GSE1: variants seen among roughly 807,000 people sequenced by gnomAD.
The protein encoded by GSE1 is genetic suppressor element 1.
GSE1 carries 32 observed loss-of-function variants against 112.6 expected under a neutral mutation model. The ratio of observed to expected loss-of-function variants is 0.28; its 90% confidence interval spans 0.21 to 0.38. The LOEUF (loss-of-function observed/expected upper bound fraction) is 0.38, where lower values mean the gene tolerates loss of function less well. Among genes scored for constraint, GSE1 ranks in the 10% least tolerant of loss-of-function variants. The pLI is 1.00. For missense variants in GSE1, 2,348 were observed against 1,699.2 expected (o/e 1.38, Z -6.71); for synonymous variants, 1,115 against 735.6 (o/e 1.52, Z -8.35).
chr16:85,674,921 A>C lies in GSE1; in HGVS notation c.*2382A>C, dbSNP rs1432825899. 1 of 152,670 alleles carries C rather than the reference A, an allele frequency of 6.6e-6. No homozygotes were observed. Among genetic ancestry groups the C allele is most frequent in the Non-Finnish European group, 1.5e-5 (1 of 68,036 alleles). The allele number at this position is 152,670 out of a possible 1,614,324, so 9.5% of individuals were successfully genotyped here. ...GATCTGAGTACTCTACTCTTGCTCA[A>C]GAAGTAATACGACAATCAGAATACA... On this transcript the variant is annotated 3_prime_UTR_variant, in exon 16 of 16. Coordinates refer to ENST00000253458, the MANE Select transcript of GSE1 (RefSeq NM_014615.5).
In GSE1 at chr16:85,482,639, G is replaced by T. The variant is rs139292792; in HGVS notation, c.2464+124996G>T. Among the ~76,000 whole-genome samples, 207 of 152,340 alleles carry T rather than the reference G, an allele frequency of 1.4e-3. 3 individuals carry two copies. The highest frequency in any genetic ancestry group is 4.7e-3 in the African/African-American group (195 of 41,570). On this transcript the variant is annotated intron_variant, in intron 2 of 2. Coordinates refer to the GSE1 transcript ENST00000637419. ...AGTGTGTGTTTTGCTTGTATGTACA[G>T]ATCAGGCACCCCCGTCTGCAAATCC...
chr16:85,661,526 T>C lies in GSE1; in HGVS notation c.2021T>C (p.Phe674Ser), dbSNP rs566115765. The change falls in exon 9 of 16, where the codon TTC becomes TCC. Residue 674 changes from phenylalanine to serine, a missense_variant. Transcript: ENST00000253458. ...HQPFLPGPGP[F>S]LAELEKSTQT... ...CCCTTCCTGCCCGGGCCCGGGCCCT[T>C]CCTGGCTGAGCTCGAGAAGTCCACC... is the stretch of plus-strand genomic sequence containing the variant. 5 of 1,611,352 alleles carry C rather than the reference T, an allele frequency of 3.1e-6. No individual in the cohort carries two copies. The South Asian group carries it at 5.5e-5, about 18-fold the overall frequency.
intron 1 of GSE1, among the ~76,000 whole-genome samples, chr16:85,210,951 T>C (rs1196420880): frequency 6.6e-6 from 1 of 152,230 alleles, no homozygotes; most frequent in African/African-American, 2.4e-5. Context: ...GGGTTCCTTC[T>C]CTGTAAGATG....
intron 2 of GSE1, among the ~76,000 whole-genome samples, chr16:85,464,661 A>T (rs2050075012): frequency 1.3e-5 from 2 of 152,140 alleles, no homozygotes; most frequent in Admixed American, 1.3e-4. Flanking sequence ...CGGAGGGTAT[A>T]CCTGGCCTGC....
intron 2 of GSE1, among the ~76,000 whole-genome samples, chr16:85,642,754 G>A (rs1299530510): frequency 1.3e-5 from 2 of 152,254 alleles, no homozygotes; most frequent in African/African-American, 4.8e-5. Flanking sequence ...CGGGCCCTGG[G>A]GTGGGTCGGG....
chr16:85,550,137 G>C (rs1243604703), intron 2 of GSE1, among the ~76,000 whole-genome samples: 1 of 152,162 alleles, frequency 6.6e-6, no homozygotes, highest in East Asian at 1.9e-4. Flanking sequence ...AGGAAACTGA[G>C]GGTCAAAATG....
At chr16:85,497,225 GA>G (rs1188975121) in intron 2 of GSE1, among the ~76,000 whole-genome samples, 1 of 152,218 alleles carries the variant, frequency 6.6e-6, no homozygotes, top group Non-Finnish European at 1.5e-5. Context: ...TGGTCCCACT[GA>G]AGCTGCTGGG....
At chr16:85,187,039 T>C (rs2074718123) in intron 1 of GSE1, among the ~76,000 whole-genome samples, 1 of 151,976 alleles carries the variant, frequency 6.6e-6, no homozygotes. Flanking sequence ...AGCACTGGGG[T>C]TGGTGCAGTG....
chr16:85,525,294 G>A (rs1418405746), intron 2 of GSE1, among the ~76,000 whole-genome samples: 1 of 152,110 alleles, frequency 6.6e-6, no homozygotes, highest in African/African-American at 2.4e-5. Context: ...GGCACAGACA[G>A]CCCGTCTCCT....
intron 2 of GSE1, among the ~76,000 whole-genome samples, chr16:85,532,247 G>A (rs960106127): frequency 6.6e-6 from 1 of 152,134 alleles, no homozygotes; most frequent in African/African-American, 2.4e-5. Context: ...CAGCTAAAAT[G>A]TGGTAGAGCT....
chr16:85,663,210 C>G (rs1331256925), intron 10 of GSE1, 117 bp downstream of exon 10: 2 of 1,284,220 alleles, frequency 1.6e-6, no homozygotes, highest in Admixed American at 1.8e-5. Context: ...CGGGTTCGCC[C>G]CATGAAGCTC....
intron 2 of GSE1, among the ~76,000 whole-genome samples, chr16:85,387,933 T>TAAAG (rs2047723307): frequency 6.6e-6 from 1 of 151,294 alleles, no homozygotes; most frequent in Non-Finnish European, 1.5e-5. Context: ...GATGGATGGA[T>TAAAG]GGATGGATGG....
Position 85,673,430 on chromosome 16 carries a change from TG to T in GSE1, c.*892del. The T allele has an allele frequency of 1.3e-5, 2 of 152,380 alleles. No homozygotes were observed. Among genetic ancestry groups the T allele is most frequent in the Middle Eastern group, 3.4e-3 (1 of 290 alleles). 9.4% of individuals were successfully genotyped at this position (152,380 alleles called of 1,614,324 possible). ...ATATGTGGTTTGGGGGATTTTTGTT[TG>T]TTTTTCCTGTTTGGGGGTTTTGTTT... is the stretch of plus-strand genomic sequence containing the variant. On this transcript the variant is annotated 3_prime_UTR_variant, in exon 16 of 16. Coordinates refer to ENST00000253458, the MANE Select transcript of GSE1 (RefSeq NM_014615.5).
At position 85,469,237 on chromosome 16, in the gene GSE1, G is replaced by A. The variant is rs138318852; in HGVS notation, c.2464+111594G>A. On this transcript the variant is annotated intron_variant, in intron 2 of 2. Coordinates refer to the GSE1 transcript ENST00000637419. ...TGCCATTGCACTGCAGCCTGCACAA[G>A]AGCAAAACTCCATCTAAAAAAAAAA... 1.7e-3 allele frequency among the ~76,000 whole-genome samples: 253 copies of A among 150,628 alleles called. 2 individuals are homozygous for A. The highest frequency in any genetic ancestry group is 2.9e-3 in the Non-Finnish European group (199 of 67,868).
At chr16:85,383,536 TC>T (rs1949547055) in intron 2 of GSE1, among the ~76,000 whole-genome samples, 1 of 4,388 alleles carries the variant, frequency 2.3e-4, no homozygotes, top group Non-Finnish European at 7.3e-4. Flanking sequence ...CGTCTCTCTC[TC>T]TCTCTCTCTC....
intron 15 of GSE1, among the ~76,000 whole-genome samples, chr16:85,671,663 A>T (rs2053351821): frequency 6.6e-6 from 1 of 152,130 alleles, no homozygotes; most frequent in African/African-American, 2.4e-5. Context: ...ATTTACTTAT[A>T]GAATATCGAT....
chr16:85,519,576 C>CTTT lies in GSE1; in HGVS notation c.2465-114338_2465-114337insTTT, dbSNP rs1417545799. 2.7e-4 allele frequency among the ~76,000 whole-genome samples: 33 copies of CTTT among 121,824 alleles called. 2 individuals carry two copies. The highest frequency in any genetic ancestry group is 1.4e-3 in the East Asian group (5 of 3,682). The allele number at this position is 121,824 out of a possible 152,430, so 79.9% of individuals were successfully genotyped here. A position where few individuals can be genotyped will look rare whatever the true frequency, so the allele number is the denominator to read the frequency against. ...ACCATCACTATCATCATCACCATCA[C>CTTT]CAGTCTCCATCATCATCACCTTCAC... On this transcript the variant is annotated intron_variant, in intron 2 of 2. Transcript: ENST00000637419.
upstream of GSE1, among the ~76,000 whole-genome samples, chr16:85,552,068 C>A (rs1272024356): frequency 1.3e-5 from 2 of 152,066 alleles, no homozygotes; most frequent in Non-Finnish European, 2.9e-5. Flanking sequence ...CTCTGTCGCC[C>A]AGGCTGGAGT....
At chr16:85,558,901 A>C (rs563814870) in intron 1 of GSE1, among the ~76,000 whole-genome samples, 2 of 152,238 alleles carry the variant, frequency 1.3e-5, no homozygotes, top group East Asian at 3.9e-4. Context: ...TGTGTCGCCC[A>C]GGCTGGAGTG....
Sources: gnomAD v4.1 joint callset for allele counts (sites outside exome capture counted in the v4.1 genomes callset) on GRCh38, gnomAD v4.1.1 for gene constraint, MANE v1.5 for transcripts, NCBI Gene and HGNC (gene_info 2026-07-23, HGNC 2026-07-21) for gene names.